Variants in KCNJ3 observed in about 807,000 individuals in gnomAD.
KCNJ3 encodes G protein-activated inward rectifier potassium channel 1.
KCNJ3 carries 4 observed loss-of-function variants against 39.2 expected under a neutral mutation model. The observed-to-expected ratio is 0.10, with a 90% CI of 0.05 to 0.23. The LOEUF (loss-of-function observed/expected upper bound fraction) is 0.23. KCNJ3 is among the 10% of genes least tolerant of loss of function. The pLI, the probability that KCNJ3 is intolerant of heterozygous loss-of-function variation, is 1.00. For missense variants in KCNJ3, 276 were observed against 634.9 expected (o/e 0.43, Z 6.08); for synonymous variants, 230 against 237.4 (o/e 0.97, Z 0.29).
chr2:154,854,444 A>C (rs1687806166), intron 2 of KCNJ3, among the ~76,000 whole-genome samples: 1 of 152,180 alleles, frequency 6.6e-6, no homozygotes, highest in Admixed American at 6.5e-5. Flanking sequence ...TTCTGAGATT[A>C]TTCTATGCTA....
chr2:154,761,655 G>T (rs1686048521), intron 2 of KCNJ3, among the ~76,000 whole-genome samples: 1 of 151,970 alleles, frequency 6.6e-6, no homozygotes, highest in Non-Finnish European at 1.5e-5. Context: ...AGGATTTTTT[G>T]ACTTTATTCC....
chr2:154,780,127 G>A, intron 2 of KCNJ3, among the ~76,000 whole-genome samples: 1 of 152,156 alleles, frequency 6.6e-6, no homozygotes, highest in East Asian at 1.9e-4. Flanking sequence ...AATATTTGAA[G>A]TGGATTGTGA....
intron 2 of KCNJ3, among the ~76,000 whole-genome samples, chr2:154,761,814 A>G (rs2961957): frequency 0.46 from 70,328 of 152,000 alleles, 16,325 homozygotes; most frequent in Non-Finnish European, 0.48. Context: ...ACCTTTTGTA[A>G]TAAGCAGAAA....
chr2:154,850,912 A>C (rs1282632083), intron 2 of KCNJ3, among the ~76,000 whole-genome samples: 1 of 152,140 alleles, frequency 6.6e-6, no homozygotes, highest in Non-Finnish European at 1.5e-5. Context: ...ACTTTTTTCT[A>C]TACTTTTAAA....
At chr2:154,817,978 T>C (rs1042942807) in intron 2 of KCNJ3, among the ~76,000 whole-genome samples, 1 of 152,132 alleles carries the variant, frequency 6.6e-6, no homozygotes, top group Non-Finnish European at 1.5e-5. Flanking sequence ...TCGTGTCTTG[T>C]AGAAACTGAT....
intron 2 of KCNJ3, among the ~76,000 whole-genome samples, chr2:154,834,516 G>T (rs1251659541): frequency 6.6e-6 from 1 of 151,962 alleles, no homozygotes. Flanking sequence ...TGGATCACGC[G>T]GTAAGGATCG....
chr2:154,767,910 T>C (rs1203955073), intron 2 of KCNJ3, among the ~76,000 whole-genome samples: 1 of 152,190 alleles, frequency 6.6e-6, no homozygotes, highest in Non-Finnish European at 1.5e-5. Context: ...CTCATTGTGG[T>C]TTTGATTTGC....
chr2:154,853,412 C>T (rs548950024), intron 2 of KCNJ3, among the ~76,000 whole-genome samples: 108 of 152,082 alleles, frequency 7.1e-4, no homozygotes, highest in African/African-American at 2.6e-3. Flanking sequence ...AGAAAAAAGA[C>T]AGAATATCCC....
intron 2 of KCNJ3, among the ~76,000 whole-genome samples, chr2:154,841,793 AT>A (rs1304627873): frequency 2.0e-5 from 3 of 151,560 alleles, no homozygotes; most frequent in African/African-American, 7.3e-5. Flanking sequence ...CCCCTTTATC[AT>A]TTTTTATTGC....
At chr2:154,723,602 C>G (rs563607822) in intron 2 of KCNJ3, among the ~76,000 whole-genome samples, 1 of 146,118 alleles carries the variant, frequency 6.8e-6, no homozygotes, top group South Asian at 2.2e-4. Flanking sequence ...TATTGTCTTT[C>G]TCATTTTATT....
chr2:154,768,070 T>C (rs1225903557), intron 2 of KCNJ3, among the ~76,000 whole-genome samples: 3 of 152,234 alleles, frequency 2.0e-5, no homozygotes, highest in African/African-American at 7.2e-5. Context: ...AAGTTCTTTG[T>C]AGATTCTGGA....
chr2:154,832,081 A>AACTT (rs1249128884), intron 2 of KCNJ3, among the ~76,000 whole-genome samples: 11 of 152,214 alleles, frequency 7.2e-5, no homozygotes, highest in Admixed American at 4.6e-4. Context: ...ACAGAGTGAG[A>AACTT]ACTTACCACC....
intron 2 of KCNJ3, among the ~76,000 whole-genome samples, chr2:154,743,925 A>C: frequency 6.6e-6 from 1 of 151,586 alleles, no homozygotes; most frequent in East Asian, 1.9e-4. Context: ...TCTATCTTAA[A>C]AAGCAGCTTT....
chr2:154,710,684 G>A (rs1685090289), intron 2 of KCNJ3, among the ~76,000 whole-genome samples: 1 of 152,030 alleles, frequency 6.6e-6, no homozygotes, highest in Non-Finnish European at 1.5e-5. Context: ...GTACTGAGAA[G>A]ACAATAAATA....
chr2:154,845,899 GGTGGAGGTT>G (rs1034464449), intron 2 of KCNJ3, among the ~76,000 whole-genome samples: 6 of 151,770 alleles, frequency 4.0e-5, no homozygotes, highest in Admixed American at 1.3e-4. Flanking sequence ...GAACCTGGGA[GGTGGAGGTT>G]GCAGTGAGCC....
chr2:154,753,232 A>G lies in KCNJ3; in HGVS notation c.919+43413A>G, dbSNP rs571419347. 3.3e-4 allele frequency among the ~76,000 whole-genome samples: 50 copies of G among 152,266 alleles called. 1 individual carries two copies. Among genetic ancestry groups the G allele is most frequent in the African/African-American group, 1.7e-4 (7 of 41,584 alleles). On this transcript the variant is annotated intron_variant, in intron 2 of 2. Transcript: ENST00000295101. ...ATATGACACTCCCCTGTTACTTTCA[A>G]TACAGGTTAGACCAATTATACTACC... is the stretch of plus-strand genomic sequence containing the variant.
intron 1 of KCNJ3, among the ~76,000 whole-genome samples, chr2:154,704,112 A>G (rs1323820487): frequency 6.6e-6 from 1 of 152,064 alleles, no homozygotes; most frequent in Non-Finnish European, 1.5e-5. Flanking sequence ...CTAAAAATAT[A>G]TAATTATTAT....
At chr2:154,814,599 T>A (rs1231322808) in intron 2 of KCNJ3, among the ~76,000 whole-genome samples, 1 of 152,100 alleles carries the variant, frequency 6.6e-6, no homozygotes, top group African/African-American at 2.4e-5. Context: ...ATCGTGCCAC[T>A]GTGCTCCAGC....
intron 2 of KCNJ3, among the ~76,000 whole-genome samples, chr2:154,771,022 C>T (rs1055630448): frequency 1.3e-5 from 2 of 151,260 alleles, no homozygotes; most frequent in Non-Finnish European, 2.9e-5. Flanking sequence ...TCCCCAGTAG[C>T]GGGATTACAG....
Sources: allele counts gnomAD v4.1 joint callset (sites outside exome capture counted in the v4.1 genomes callset), GRCh38; gene constraint gnomAD v4.1.1; transcripts MANE v1.5; gene names NCBI Gene and HGNC (gene_info 2026-07-23, HGNC 2026-07-21).